The following ATG5 variants were observed in gnomAD, a reference collection of about 807,000 sequenced individuals.
ATG5 encodes autophagy protein 5.
ATG5 carries 14 observed loss-of-function variants against 36.5 expected under a neutral mutation model. The observed-to-expected ratio is 0.38, with a 90% CI of 0.25 to 0.60. The LOEUF (loss-of-function observed/expected upper bound fraction) is 0.60, where lower values mean the gene tolerates loss of function less well. Ranked by LOEUF, ATG5 falls within the 20% of genes least tolerant of loss-of-function variation. The probability of loss-of-function intolerance (pLI) is 0.60; values close to 1 mark genes in which losing one functional copy is unlikely to be tolerated. For missense variants in ATG5, 195 were observed against 326.7 expected (o/e 0.60, Z 3.11); for synonymous variants, 95 against 101.5 (o/e 0.94, Z 0.38).
chr6:106,263,029 CAG>C (rs911128502), intron 5 of ATG5, among the ~76,000 whole-genome samples: 2 of 152,196 alleles, frequency 1.3e-5, no homozygotes, highest in Admixed American at 1.3e-4. Flanking sequence ...GCTGAAGCCA[CAG>C]AGTCAAGTGG....
intron 6 of ATG5, among the ~76,000 whole-genome samples, chr6:106,242,626 CAACA>C (rs1778173612): frequency 6.7e-6 from 1 of 149,368 alleles, no homozygotes; most frequent in African/African-American, 2.5e-5. Context: ...TAAATAACAA[CAACA>C]AAAAAAACAC....
At chr6:106,215,875 C>T (rs1033305634) in intron 6 of ATG5, among the ~76,000 whole-genome samples, 18 of 152,058 alleles carry the variant, frequency 1.2e-4, no homozygotes, top group Admixed American at 8.5e-4. Flanking sequence ...GACCACTATT[C>T]AGAATATGTA....
chr6:106,227,025 G>A (rs929835779), intron 6 of ATG5, among the ~76,000 whole-genome samples: 1 of 151,990 alleles, frequency 6.6e-6, no homozygotes, highest in Admixed American at 6.6e-5. Context: ...TGCAGAAAAA[G>A]GGTCAGAGTA....
intron 5 of ATG5, among the ~76,000 whole-genome samples, chr6:106,250,621 A>G (rs1207375582): frequency 6.6e-6 from 1 of 152,222 alleles, no homozygotes; most frequent in Non-Finnish European, 1.5e-5. Flanking sequence ...TCTACCATCA[A>G]GTATCAAGCA....
chr6:106,242,932 C>A (rs969544470), intron 6 of ATG5, among the ~76,000 whole-genome samples: 2 of 152,158 alleles, frequency 1.3e-5, no homozygotes, highest in Admixed American at 1.3e-4. Context: ...AGAATCCTAA[C>A]AAACATGGCC....
intron 6 of ATG5, among the ~76,000 whole-genome samples, chr6:106,243,903 C>A (rs565985578): frequency 1.9e-5 from 2 of 103,752 alleles, no homozygotes; most frequent in African/African-American, 7.6e-5. Flanking sequence ...TAGGAACCAT[C>A]CTTTTTTTTT....
chr6:106,245,435 T>C (rs895172453), intron 6 of ATG5, among the ~76,000 whole-genome samples: 1 of 152,222 alleles, frequency 6.6e-6, no homozygotes, highest in South Asian at 2.1e-4. Flanking sequence ...AAGTCATAGT[T>C]TGCTCATAAA....
rs56336702 is a variant in ATG5 at position 106,297,717 on chromosome 6, AACACACAC to A, written c.237-4619_237-4612del. On this transcript the variant is annotated intron_variant, in intron 3 of 7. Coordinates refer to ENST00000369076, the MANE Select transcript of ATG5 (RefSeq NM_004849.4). ...TCTAAATTATTTGCAAAATGACTTA[AACACACAC>A]ACACACACACACACACACACACACA... 0.011 allele frequency among the ~76,000 whole-genome samples: 1,527 copies of A among 135,504 alleles called. 48 individuals carry two copies. The East Asian group carries it at 0.14, about 12-fold the overall frequency. 88.9% of individuals were successfully genotyped at this position (135,504 alleles called of 152,430 possible). A position where few individuals can be genotyped will look rare whatever the true frequency, so the allele number is the denominator to read the frequency against.
intron 5 of ATG5, among the ~76,000 whole-genome samples, chr6:106,250,964 A>G (rs1344186864): frequency 1.3e-5 from 2 of 152,244 alleles, no homozygotes; most frequent in African/African-American, 4.8e-5. Context: ...TGTAGGAGAA[A>G]CGGTTCTGCC....
At chr6:106,233,427 A>C (rs1777766797) in intron 6 of ATG5, among the ~76,000 whole-genome samples, 1 of 152,254 alleles carries the variant, frequency 6.6e-6, no homozygotes. Context: ...GCCCTAAAGA[A>C]GGCCCTAACC....
At chr6:106,212,419 T>G (rs1776886558) in intron 6 of ATG5, among the ~76,000 whole-genome samples, 1 of 152,188 alleles carries the variant, frequency 6.6e-6, no homozygotes, top group Non-Finnish European at 1.5e-5. Context: ...GGCGGGCGGA[T>G]CACCTGAGGT....
At chr6:106,242,741 T>C (rs1007099242) in intron 6 of ATG5, among the ~76,000 whole-genome samples, 2 of 152,208 alleles carry the variant, frequency 1.3e-5, no homozygotes, top group Admixed American at 1.3e-4. Context: ...GTGTATCTTT[T>C]TGAAATGACT....
intron 5 of ATG5, among the ~76,000 whole-genome samples, chr6:106,262,364 G>A (rs569382239): frequency 2.0e-5 from 3 of 152,124 alleles, no homozygotes; most frequent in South Asian, 4.2e-4. Context: ...GCACCCGGCC[G>A]GTCTAGGGTA....
intron 4 of ATG5, among the ~76,000 whole-genome samples, chr6:106,285,164 AAG>A (rs1435400742): frequency 1.3e-5 from 2 of 152,300 alleles, no homozygotes; most frequent in East Asian, 3.9e-4. Context: ...TTTGAGTTCA[AAG>A]AACCTTACTT....
At chr6:106,200,090 A>C (rs1486400294) in intron 7 of ATG5, among the ~76,000 whole-genome samples, 1 of 152,138 alleles carries the variant, frequency 6.6e-6, no homozygotes, top group East Asian at 1.9e-4. Flanking sequence ...TTTTTAAAGC[A>C]TTACATACAT....
intron 5 of ATG5, among the ~76,000 whole-genome samples, chr6:106,272,027 TC>T (rs1779472743): frequency 6.6e-6 from 1 of 152,234 alleles, no homozygotes; most frequent in African/African-American, 2.4e-5. Context: ...AGTGAGGACT[TC>T]CCTGACCATC....
chr6:106,277,475 TA>T (rs1779703751), intron 5 of ATG5, among the ~76,000 whole-genome samples: 1 of 152,240 alleles, frequency 6.6e-6, no homozygotes, highest in Admixed American at 6.5e-5. Context: ...CCACAATCTT[TA>T]AAAAATTTTG....
At chr6:106,206,324 C>A (rs916185028) in intron 6 of ATG5, among the ~76,000 whole-genome samples, 1 of 152,086 alleles carries the variant, frequency 6.6e-6, no homozygotes, top group Non-Finnish European at 1.5e-5. Context: ...CACCAGAAAC[C>A]GAATCTGTTG....
At chr6:106,273,337 G>A (rs1428222859) in intron 5 of ATG5, among the ~76,000 whole-genome samples, 6 of 152,112 alleles carry the variant, frequency 3.9e-5, no homozygotes, top group Non-Finnish European at 8.8e-5. Context: ...GTTATTTCTG[G>A]AAAGTTATCT....
Sources: gnomAD v4.1 joint callset for allele counts (sites outside exome capture counted in the v4.1 genomes callset) on GRCh38, gnomAD v4.1.1 for gene constraint, MANE v1.5 for transcripts, NCBI Gene and HGNC (gene_info 2026-07-23, HGNC 2026-07-21) for gene names.